Variants in RIPOR1 observed in about 807,000 individuals in gnomAD.
RIPOR1 encodes the protein rho family-interacting cell polarization regulator 1.
RIPOR1 carries 58 observed loss-of-function variants against 116.5 expected under a neutral mutation model. The ratio of observed to expected loss-of-function variants is 0.50; its 90% confidence interval spans 0.40 to 0.62. The LOEUF (loss-of-function observed/expected upper bound fraction) is 0.62, where lower values mean the gene tolerates loss of function less well. Among genes scored for constraint, RIPOR1 ranks in the 20% least tolerant of loss-of-function variants. The pLI is 0.00. For synonymous variants in RIPOR1, 605 were observed against 650.0 expected (o/e 0.93, Z 1.05); for missense variants, 1,372 against 1,586.2 (o/e 0.86, Z 2.29).
chr16:67,524,122 T>C (rs2050521015), upstream of RIPOR1, among the ~76,000 whole-genome samples: 1 of 152,216 alleles, frequency 6.6e-6, no homozygotes, highest in Non-Finnish European at 1.5e-5. Flanking sequence ...ATTAATGAGA[T>C]GCGGCACTTC....
Position 67,541,251 on chromosome 16 carries a change from TTTG to T in RIPOR1, c.802-178_802-176del. 6 of 584,590 alleles carry T rather than the reference TTTG, an allele frequency of 1.0e-5. No individual in the cohort carries two copies. Among genetic ancestry groups the T allele is most frequent in the East Asian group, 2.9e-5 (1 of 35,006 alleles). 36.2% of individuals were successfully genotyped at this position (584,590 alleles called of 1,614,324 possible). On this transcript the variant is annotated intron_variant, in intron 10 of 21. Transcript: ENST00000042381. The surrounding 1 kb of genome is among the most constrained non-coding windows in gnomAD (Gnocchi z 4.6). ...GCTAAAAATTTTTTTTTTTTTTTTT[TTTG>T]AGACAGAGTCTTGCCATGTTGCCCA...
At chr16:67,521,089 G>A (rs2050491314) in intron 1 of RIPOR1, among the ~76,000 whole-genome samples, 2 of 152,164 alleles carry the variant, frequency 1.3e-5, no homozygotes, top group African/African-American at 4.8e-5. Context: ...CAGGATCCGT[G>A]ATCAGGTCTG....
rs1456025159 is a variant in RIPOR1, at chr16:67,540,361, A to G, written c.629A>G (p.Lys210Arg). 4 of 1,614,066 alleles carry G rather than the reference A, an allele frequency of 2.5e-6. No homozygotes were observed. Among genetic ancestry groups the G allele is most frequent in the Middle Eastern group, 1.6e-4 (1 of 6,062 alleles). The part of the protein sequence containing the change: ...AQLGEFHLRM[K>R]GLAGFARLCV... ...CTGGGCGAGTTTCATCTCCGAATGAAAGGTACTGAGTTGTGGGGGCAGGTG... is the reference window on the plus strand; with the variant it reads ...CTGGGCGAGTTTCATCTCCGAATGAGAGGTACTGAGTTGTGGGGGCAGGTG... Residue 210 changes from lysine to arginine, a missense_variant and splice_region_variant, in exon 8 of 22, where the codon AAA (lysine) becomes AGA (arginine). Lys to Arg is a conservative substitution (Grantham distance 26). Transcript: ENST00000042381. This position sits in a 1 kb window ranked among gnomAD's most constrained non-coding sequence, Gnocchi z 4.7.
chr16:67,523,298 G>A (rs1424849194), intron 1 of RIPOR1, among the ~76,000 whole-genome samples: 2 of 152,020 alleles, frequency 1.3e-5, no homozygotes, highest in Non-Finnish European at 2.9e-5. Context: ...GGCCGAGGCA[G>A]GTGGATCACC....
At chr16:67,527,573 T>C (rs961782377), upstream of RIPOR1, among the ~76,000 whole-genome samples, 1 of 150,712 alleles carries the variant, frequency 6.6e-6, no homozygotes, top group Non-Finnish European at 1.5e-5. Context: ...AGAAAGCCCA[T>C]CTCTAAAAAA....
chr16:67,539,783 T>A, intron 5 of RIPOR1, 32 bp downstream of exon 5: 1 of 1,614,044 alleles, frequency 6.2e-7, no homozygotes, highest in South Asian at 1.1e-5. Flanking sequence ...CTGGAAGGGG[T>A]TGGCTCACAG....
At chr16:67,534,583 C>G (rs1273494402) in intron 1 of RIPOR1, among the ~76,000 whole-genome samples, 1 of 152,166 alleles carries the variant, frequency 6.6e-6, no homozygotes, top group Non-Finnish European at 1.5e-5. Flanking sequence ...TACCAGCACC[C>G]TGGAAGACCC....
In RIPOR1 at chr16:67,545,916, T is replaced by C. The variant is rs2051150802; in HGVS notation, c.3388-33T>C. 6.2e-7 allele frequency: 1 copy of C among 1,613,584 alleles called. No homozygotes were observed. Among genetic ancestry groups the C allele is most frequent in the Non-Finnish European group, 8.5e-7 (1 of 1,179,740 alleles). On this transcript the variant is annotated intron_variant, in intron 19 of 21. Transcript: ENST00000042381. The surrounding 1 kb of genome is among the most constrained non-coding windows in gnomAD (Gnocchi z 4.8). ...GGGCTGGGGTCCTGGACTCCCACTG[T>C]CTGGCTAAGTCTGTCCTCCCACCCT... is the stretch of plus-strand genomic sequence containing the variant.
In RIPOR1 at chr16:67,531,327, C is replaced by G. The variant is rs944177410; in HGVS notation, c.-24+2413C>G. On this transcript the variant is annotated intron_variant, in intron 1 of 21. Transcript: ENST00000042381. The surrounding 1 kb of genome is among the most constrained non-coding windows in gnomAD (Gnocchi z 4.2). ...AGCCCAGCTTCCCCCACTGTTCCCC[C>G]CCTTCATCTCCCAGGTGCTACAGGA... Among the ~76,000 whole-genome samples the G allele has an allele frequency of 3.3e-5, 5 of 151,802 alleles. No individual in the cohort carries two copies. The highest frequency in any genetic ancestry group is 2.0e-4 in the Admixed American group (3 of 15,242).
intron 1 of RIPOR1, among the ~76,000 whole-genome samples, chr16:67,521,269 A>T (rs572947078): frequency 1.1e-4 from 17 of 151,996 alleles, no homozygotes; most frequent in South Asian, 2.1e-4. Flanking sequence ...CCAAAGACCA[A>T]CTTTACTTCT....
chr16:67,542,974 G>A lies in RIPOR1; in HGVS notation c.2188G>A (p.Ala730Thr), dbSNP rs1405410824. 6.3e-6 allele frequency: 10 copies of A among 1,579,030 alleles called. No homozygotes were observed. Among genetic ancestry groups the A allele is most frequent in the Non-Finnish European group, 7.7e-6 (9 of 1,162,550 alleles). The change falls in exon 13 of 22, where the codon GCC becomes ACC. Residue 730 changes from alanine to threonine, a missense_variant. By Grantham distance (58) the Ala-to-Thr change is moderately conservative. Transcript: ENST00000042381. The surrounding 1 kb of genome is among the most constrained non-coding windows in gnomAD (Gnocchi z 4.6). ...MAPRTPHPSP[A>T]HSSRKPLTSP... The stretch of plus-strand genomic sequence containing the variant: ...CCCCAGAACTCCCCACCCAAGTCCT[G>A]CCCATTCCAGTAGGAAACCCCTCAC...
rs765404543 is a variant in RIPOR1, at chr16:67,543,357, G to A, written c.2488G>A (p.Gly830Ser). 6 of 1,606,820 alleles carry A rather than the reference G, an allele frequency of 3.7e-6. No individual in the cohort carries two copies. The East Asian group carries it at 1.1e-4, about 30-fold the overall frequency. ...CCCTTCACAACCTCAGCAGAGACAA[G>A]GTCTGACTCGCAGCCGGGCCTCCAG... ...RLESLLMQRQ[G>S]LTRSRASSLS... The change falls in exon 14 of 22, where the codon GGT (glycine) becomes AGT (serine). Residue 830 changes from glycine (G) to serine (S), a missense_variant. By Grantham distance (56) the Gly-to-Ser change is moderately conservative. Coordinates refer to ENST00000042381, the MANE Select transcript of RIPOR1 (RefSeq NM_024519.4). This position sits in a 1 kb window ranked among gnomAD's most constrained non-coding sequence, Gnocchi z 4.7.
At chr16:67,523,277 G>A (rs1463058229) in intron 1 of RIPOR1, among the ~76,000 whole-genome samples, 2 of 152,066 alleles carry the variant, frequency 1.3e-5, no homozygotes, top group Non-Finnish European at 2.9e-5. Context: ...AAACAAGCCA[G>A]TACTTTGGGA....
Position 67,537,534 on chromosome 16 carries a change from G to A in RIPOR1, c.-23-890G>A. ...GGCTCGAAGTGGCCAGGGCCGGAAG[G>A]TCCGCGGGGGGCGAGCGCGGGTCGG... On this transcript the variant is annotated intron_variant, in intron 1 of 21. Coordinates refer to ENST00000042381, the MANE Select transcript of RIPOR1 (RefSeq NM_024519.4). This position sits in a 1 kb window ranked among gnomAD's most constrained non-coding sequence, Gnocchi z 4.6. The A allele has an allele frequency of 7.4e-7, 1 of 1,345,938 alleles. No homozygotes were observed. Among genetic ancestry groups the A allele is most frequent in the Non-Finnish European group, 9.6e-7 (1 of 1,046,308 alleles). The allele number at this position is 1,345,938 out of a possible 1,614,324, so 83.4% of individuals were successfully genotyped here.
chr16:67,543,522 G>C lies in RIPOR1; in HGVS notation c.2600+53G>C. The C allele has an allele frequency of 1.3e-6, 2 of 1,540,350 alleles. No individual in the cohort carries two copies. The highest frequency in any genetic ancestry group is 1.7e-6 in the Non-Finnish European group (2 of 1,146,298). ...AGGCTAGGTGAGAGGGAAAAGGTGA[G>C]GCAGGACCAGGGGAAGGTGGAACAG... is the stretch of plus-strand genomic sequence containing the variant. On this transcript the variant is annotated intron_variant, in intron 14 of 21. Coordinates refer to ENST00000042381, the MANE Select transcript of RIPOR1 (RefSeq NM_024519.4). This position sits in a 1 kb window ranked among gnomAD's most constrained non-coding sequence, Gnocchi z 4.7.
rs910780961 is a variant in RIPOR1 at position 67,537,720 on chromosome 16, C to T, written c.-23-704C>T. ...TGGGGGTCTGCCGAGGAGCTCTCCC[C>T]GCCGATGCCGGGGTGGAGGCGCACG... On this transcript the variant is annotated intron_variant, in intron 1 of 21. Transcript: ENST00000042381. The surrounding 1 kb of genome is among the most constrained non-coding windows in gnomAD (Gnocchi z 4.6). 37 of 570,598 alleles carry T rather than the reference C, an allele frequency of 6.5e-5. No homozygotes were observed. The highest frequency in any genetic ancestry group is 9.8e-5 in the Non-Finnish European group (37 of 377,950). 35.3% of individuals were successfully genotyped at this position (570,598 alleles called of 1,614,324 possible). A position where few individuals can be genotyped will look rare whatever the true frequency, so the allele number is the denominator to read the frequency against.
intron 1 of RIPOR1, among the ~76,000 whole-genome samples, chr16:67,536,990 G>A (rs2050810227): frequency 6.6e-6 from 1 of 152,158 alleles, no homozygotes; most frequent in Non-Finnish European, 1.5e-5. Context: ...AGGCTGGAGT[G>A]CAGTGGCGCC....
intron 1 of RIPOR1, among the ~76,000 whole-genome samples, chr16:67,533,621 G>A (rs1034483432): frequency 1.3e-5 from 2 of 152,004 alleles, no homozygotes; most frequent in Admixed American, 6.6e-5. Flanking sequence ...GCAACAGGGA[G>A]GTCACTGGTG....
intron 1 of RIPOR1, among the ~76,000 whole-genome samples, chr16:67,519,279 C>CA (rs56349474): frequency 0.12 from 10,707 of 89,652 alleles, 1,285 homozygotes; most frequent in African/African-American, 0.3. Context: ...GACTCTGTTT[C>CA]AAAAAAAAAA....
Sources: gnomAD v4.1 joint callset for allele counts (sites outside exome capture counted in the v4.1 genomes callset) on GRCh38, gnomAD v4.1.1 for gene constraint, Gnocchi (gnomAD v3.1) non-coding constraint, MANE v1.5 for transcripts, NCBI Gene and HGNC (gene_info 2026-07-23, HGNC 2026-07-21) for gene names.